PCDHGA5: variants seen among roughly 807,000 people sequenced by gnomAD.
The protein encoded by PCDHGA5 is protocadherin gamma-A5.
In PCDHGA5, 36 loss-of-function variants were observed where a neutral mutation model predicts 56.7. The observed-to-expected ratio is 0.64, with a 90% CI of 0.49 to 0.84. PCDHGA5 has a LOEUF of 0.84. Ranked by LOEUF, PCDHGA5 falls within the 40% of genes least tolerant of loss-of-function variation. PCDHGA5 has a pLI of 0.00. For missense variants in PCDHGA5, 1,305 were observed against 1,201.5 expected (o/e 1.09, Z -1.27); for synonymous variants, 563 against 520.2 (o/e 1.08, Z -1.12).
intron 2 of PCDHGA5, among the ~76,000 whole-genome samples, chr5:141,504,253 G>A (rs1036263329): frequency 6.6e-6 from 1 of 152,100 alleles, no homozygotes; most frequent in Non-Finnish European, 1.5e-5. Context: ...TTCTTCTTAT[G>A]GTTTAGTATT....
rs780685929 is a variant in PCDHGA5 at position 141,389,589 on chromosome 5, G to A, written c.2421+22838G>A. 10 of 1,613,050 alleles carry A rather than the reference G, an allele frequency of 6.2e-6. No individual in the cohort carries two copies. In the Middle Eastern group the frequency reaches 5.0e-4, roughly 81 times the overall value. On this transcript the variant is annotated intron_variant, in intron 1 of 3. Coordinates refer to ENST00000518069, the MANE Select transcript of PCDHGA5 (RefSeq NM_018918.3). ...GCTGTACCCCGCGCTGGGTCCCGAC[G>A]GCTCTGCGCTCTTCGATATGGTGCC...
chr5:141,392,060 G>A (rs537832041), intron 1 of PCDHGA5: 11 of 151,956 alleles, frequency 7.2e-5, no homozygotes, highest in Non-Finnish European at 1.5e-4. Context: ...AAATATTATC[G>A]ACATGTAATT....
chr5:141,430,996 G>T, intron 1 of PCDHGA5: 1 of 1,614,024 alleles, frequency 6.2e-7, no homozygotes, highest in Middle Eastern at 1.6e-4. Flanking sequence ...CCCTGAATCC[G>T]CGCAGCGGCA....
At chr5:141,474,758 C>T (rs2099354200) in intron 1 of PCDHGA5, among the ~76,000 whole-genome samples, 1 of 152,210 alleles carries the variant, frequency 6.6e-6, no homozygotes, top group Non-Finnish European at 1.5e-5. Flanking sequence ...GACAAATATA[C>T]AGAAATAGTA....
intron 1 of PCDHGA5, chr5:141,422,081 T>C: frequency 2.5e-6 from 4 of 1,612,346 alleles, no homozygotes; most frequent in Non-Finnish European, 3.4e-6. Context: ...TTTCGGAACA[T>C]GGAAAGCAAG....
intron 1 of PCDHGA5, chr5:141,375,291 G>C: frequency 4.3e-6 from 7 of 1,613,756 alleles, no homozygotes; most frequent in Non-Finnish European, 5.9e-6. Context: ...AATTATTATC[G>C]ATTAGTGACA....
At chr5:141,384,266 C>A in intron 1 of PCDHGA5, 1 of 1,613,876 alleles carries the variant, frequency 6.2e-7, no homozygotes, top group Non-Finnish European at 8.5e-7. Context: ...CCCCACTCAT[C>A]CTACTCAGTC....
chr5:141,370,888 A>G, intron 1 of PCDHGA5: 1 of 1,614,036 alleles, frequency 6.2e-7, no homozygotes, highest in Non-Finnish European at 8.5e-7. Context: ...GTAGGTGTCA[A>G]TTCGCTGCAG....
At position 141,366,150 on chromosome 5, in the gene PCDHGA5, G is replaced by A; in HGVS notation, c.1820G>A (p.Arg607His). ...DSGQNAWLSY[R>H]LLKASEPGLF... ...GGCCAGAACGCCTGGCTGTCCTACC[G>A]CCTGCTTAAGGCCAGCGAGCCAGGA... Residue 607 changes from arginine (R) to histidine (H), a missense_variant, in exon 1 of 4, where the codon CGC becomes CAC. Physicochemically the swap from Arg to His is conservative, Grantham distance 29. Transcript: ENST00000518069. 2 of 1,614,136 alleles carry A rather than the reference G, an allele frequency of 1.2e-6. No homozygotes were observed. Among genetic ancestry groups the A allele is most frequent in the Non-Finnish European group, 1.7e-6 (2 of 1,180,044 alleles).
rs548074156 is a variant in PCDHGA5 at position 141,511,069 on chromosome 5, G to A, written c.2692G>A (p.Gly898Ser). The A allele has an allele frequency of 6.2e-7, 1 of 1,614,230 alleles. No individual in the cohort carries two copies. Among genetic ancestry groups the A allele is most frequent in the Non-Finnish European group, 8.5e-7 (1 of 1,180,034 alleles). ...CTACCGCCAGAATGTCTACATCCCA[G>A]GCAGCAATGCCACACTGACCAACGC... ...PDYRQNVYIP[G>S]SNATLTNAAG... The change falls in exon 4 of 4, where the codon GGC becomes AGC. Residue 898 changes from glycine (G) to serine (S), a missense_variant. Physicochemically the swap from Gly to Ser is moderately conservative, Grantham distance 56 (BLOSUM62 0). Transcript: ENST00000518069.
In PCDHGA5 at chr5:141,412,148, C is replaced by T. The variant is rs183538712; in HGVS notation, c.2421+45397C>T. ...GGACTTTGGCCTCTGATACAAACTG[C>T]CTAAGAGAAGAGATTATTTATACTG... On this transcript the variant is annotated intron_variant, in intron 1 of 3. Coordinates refer to ENST00000518069, the MANE Select transcript of PCDHGA5 (RefSeq NM_018918.3). The T allele has an allele frequency of 3.1e-4, 47 of 152,220 alleles. 2 individuals carry two copies. The highest frequency in any genetic ancestry group is 1.1e-3 in the African/African-American group (45 of 41,552). The allele number at this position is 152,220 out of a possible 1,614,324, so 9.4% of individuals were successfully genotyped here.
intron 2 of PCDHGA5, among the ~76,000 whole-genome samples, chr5:141,497,501 C>T (rs1268186916): frequency 6.6e-6 from 1 of 151,182 alleles, no homozygotes; most frequent in Non-Finnish European, 1.5e-5. Flanking sequence ...TCTCTCCTCT[C>T]TCTGCTTCCT....
rs2097718776 is a variant in PCDHGA5, at chr5:141,434,813, T to C, written c.2422-59994T>C. On this transcript the variant is annotated intron_variant, in intron 1 of 3. Coordinates refer to ENST00000518069, the MANE Select transcript of PCDHGA5 (RefSeq NM_018918.3). ...TTTTTTCTGAGCTTGGAGAAATATA[T>C]CCCTTAGTACACTTGGCATTTATAA... Among the ~76,000 whole-genome samples, 5 of 151,962 alleles carry C rather than the reference T, an allele frequency of 3.3e-5. No individual in the cohort carries two copies. In the South Asian group the frequency reaches 1.0e-3, roughly 32 times the overall value.
At position 141,486,811 on chromosome 5, in the gene PCDHGA5, C is replaced by A. The variant is rs2099635196; in HGVS notation, c.2422-7996C>A. On this transcript the variant is annotated intron_variant, in intron 1 of 3. Coordinates refer to ENST00000518069, the MANE Select transcript of PCDHGA5 (RefSeq NM_018918.3). The surrounding 1 kb of genome is among the most constrained non-coding windows in gnomAD (Gnocchi z 5.0). ...GGGATCGGGGCAACCCACCCCTTAG[C>A]AGCACTGTAACAGTTCGTCTATTTG... The A allele has an allele frequency of 1.2e-6, 2 of 1,614,124 alleles. No homozygotes were observed. The highest frequency in any genetic ancestry group is 2.2e-5 in the East Asian group (1 of 44,900).
At chr5:141,440,779 GC>G (rs2154559027) in intron 1 of PCDHGA5, 1 of 152,294 alleles carries the variant, frequency 6.6e-6, no homozygotes, top group Admixed American at 6.5e-5. Flanking sequence ...AGTGCTAGCA[GC>G]CTTAGACGGC....
In PCDHGA5 at chr5:141,375,730, C is replaced by A. The variant is rs763067110; in HGVS notation, c.2421+8979C>A. On this transcript the variant is annotated intron_variant, in intron 1 of 3. Coordinates refer to ENST00000518069, the MANE Select transcript of PCDHGA5 (RefSeq NM_018918.3). ...CTCTTAGCAGCAACGTGTCACTGAG[C>A]CTGTTTGTGCTGGACCAGAATGACA... 4 of 1,614,266 alleles carry A rather than the reference C, an allele frequency of 2.5e-6. No homozygotes were observed. Among genetic ancestry groups the A allele is most frequent in the Non-Finnish European group, 3.4e-6 (4 of 1,180,050 alleles).
intron 1 of PCDHGA5, chr5:141,378,119 G>T (rs1412148490): frequency 1.3e-5 from 2 of 152,132 alleles, no homozygotes; most frequent in South Asian, 2.1e-4. Flanking sequence ...TAGTGAACAC[G>T]TATTTGTTGA....
intron 1 of PCDHGA5, chr5:141,374,954 A>G: frequency 6.2e-7 from 1 of 1,613,990 alleles, no homozygotes. Flanking sequence ...GATCTCACAA[A>G]TTTTCTGTTT....
chr5:141,462,552 T>G (rs966816379), intron 1 of PCDHGA5, among the ~76,000 whole-genome samples: 4 of 152,194 alleles, frequency 2.6e-5, no homozygotes, highest in African/African-American at 9.6e-5. Context: ...TCTTCTTCAG[T>G]GTTTACTGTA....
Sources: gnomAD v4.1 joint callset for allele counts (sites outside exome capture counted in the v4.1 genomes callset) on GRCh38, gnomAD v4.1.1 for gene constraint, Gnocchi (gnomAD v3.1) non-coding constraint, MANE v1.5 for transcripts, NCBI Gene and HGNC (gene_info 2026-07-23, HGNC 2026-07-21) for gene names.